WDR17: variants seen among roughly 807,000 people sequenced by gnomAD.
The protein encoded by WDR17 is WD repeat-containing protein 17.
A neutral mutation model predicts 161.7 loss-of-function variants in WDR17; 143 were observed. The ratio of observed to expected loss-of-function variants is 0.88; its 90% CI spans 0.77 to 1.02. The LOEUF (loss-of-function observed/expected upper bound fraction) is 1.02, where lower values mean the gene tolerates loss of function less well. WDR17 is among the 50% of genes least tolerant of loss of function. The pLI is 0.00. For synonymous variants in WDR17, 517 were observed against 515.6 expected, an observed-to-expected ratio of 1.00 and a Z score of -0.04; for missense variants, 1,469 against 1,520.9, an observed-to-expected ratio of 0.97 and a Z score of 0.57.
At chr4:176,151,541 T>G (rs781773334) in intron 16 of WDR17, among the ~76,000 whole-genome samples, 11 of 152,220 alleles carry the variant, frequency 7.2e-5, no homozygotes, top group Non-Finnish European at 1.3e-4. Flanking sequence ...TCATGAACTC[T>G]TGTAAAACAA....
At chr4:176,115,429 T>A (rs1740446851) in intron 2 of WDR17, among the ~76,000 whole-genome samples, 1 of 152,008 alleles carries the variant, frequency 6.6e-6, no homozygotes, top group African/African-American at 2.4e-5. Context: ...GATTCAAGTA[T>A]AAGTGAAAAA....
At chr4:176,078,211 CTA>C (rs931756114) in intron 1 of WDR17, among the ~76,000 whole-genome samples, 2 of 151,758 alleles carry the variant, frequency 1.3e-5, no homozygotes, top group African/African-American at 4.8e-5. Flanking sequence ...TAGTTTTTGA[CTA>C]TTATAAATAA....
chr4:176,114,888 G>A (rs909978744), intron 2 of WDR17, among the ~76,000 whole-genome samples: 1 of 151,496 alleles, frequency 6.6e-6, no homozygotes, highest in African/African-American at 2.4e-5. Context: ...GAAGCAGCAA[G>A]CAGAAGGCCA....
At chr4:176,147,685 A>G (rs925043884) in intron 12 of WDR17, among the ~76,000 whole-genome samples, 1 of 152,176 alleles carries the variant, frequency 6.6e-6, no homozygotes, top group Non-Finnish European at 1.5e-5. Flanking sequence ...TTTCGTTTTA[A>G]CAAAGCAATT....
chr4:176,074,533 T>C (rs1733704270), intron 1 of WDR17, among the ~76,000 whole-genome samples: 1 of 152,036 alleles, frequency 6.6e-6, no homozygotes, highest in African/African-American at 2.4e-5. Flanking sequence ...CATAGCTCAC[T>C]GCAGCCTCGA....
intron 1 of WDR17, among the ~76,000 whole-genome samples, chr4:176,077,520 A>G (rs1391742982): frequency 6.6e-6 from 1 of 152,072 alleles, no homozygotes; most frequent in Non-Finnish European, 1.5e-5. Flanking sequence ...TTTAGAGGAA[A>G]TTCCTCCCAG....
intron 1 of WDR17, among the ~76,000 whole-genome samples, chr4:176,087,207 A>AT (rs915200858): frequency 7.3e-5 from 11 of 150,760 alleles, no homozygotes; most frequent in South Asian, 2.1e-4. Flanking sequence ...AATCCCTTAT[A>AT]TTTTTTTTTC....
intron 1 of WDR17, among the ~76,000 whole-genome samples, chr4:176,092,008 T>A (rs1736186328): frequency 6.6e-6 from 1 of 152,138 alleles, no homozygotes; most frequent in South Asian, 2.1e-4. Flanking sequence ...TGCTGAATTT[T>A]ACCAAACATT....
chr4:176,125,443 T>A (rs1742304539), intron 5 of WDR17, 88 bp downstream of exon 5: 1 of 1,466,206 alleles, frequency 6.8e-7, no homozygotes, highest in African/African-American at 1.4e-5. Flanking sequence ...AGGTTGATTT[T>A]GTGTAAAATG....
rs978002403 is a variant in WDR17, at chr4:176,160,992, G to A, written c.2740G>A (p.Asp914Asn). The stretch of plus-strand genomic sequence containing the variant: ...ATATTCTGATGATATCTACAAGGAA[G>A]ACTTTAATGAGTGAGTGATTTATTT... The part of the protein sequence containing the change: ...ASYSDDIYKE[D>N]FNELLHKVSK... The change falls in exon 20 of 29, where the codon GAC becomes AAC. Residue 914 changes from aspartate (D) to asparagine (N), a missense_variant. By Grantham distance (23) the Asp-to-Asn change is conservative. Transcript: ENST00000508596. 6.2e-7 allele frequency: 1 copy of A among 1,607,706 alleles called. No homozygotes were observed. The highest frequency in any genetic ancestry group is 8.5e-7 in the Non-Finnish European group (1 of 1,177,150).
chr4:176,097,720 TACAC>T (rs561504948), intron 1 of WDR17, among the ~76,000 whole-genome samples: 5,555 of 129,978 alleles, frequency 0.043, 132 homozygotes, highest in East Asian at 0.14. Context: ...AAGCCCCACT[TACAC>T]ACACACACAC....
chr4:176,145,575 G>A (rs1297302972), intron 11 of WDR17, among the ~76,000 whole-genome samples: 2 of 152,176 alleles, frequency 1.3e-5, no homozygotes, highest in East Asian at 3.8e-4. Context: ...GCTAAGGCAT[G>A]TAATAATAAT....
chr4:176,174,828 A>G, intron 26 of WDR17, 110 bp downstream of exon 26: 1 of 590,310 alleles, frequency 1.7e-6, no homozygotes, highest in Non-Finnish European at 2.9e-6. Context: ...ACAAGTATCC[A>G]TCTATTTACT....
chr4:176,089,600 ATGAGTGC>A (rs1735857009), intron 1 of WDR17, among the ~76,000 whole-genome samples: 1 of 152,042 alleles, frequency 6.6e-6, no homozygotes, highest in Admixed American at 6.6e-5. Flanking sequence ...TGTTGTATGT[ATGAGTGC>A]TGAGTGCTGT....
In WDR17 at chr4:176,179,317, A is replaced by G. The variant is rs529470295; in HGVS notation, c.3733-143A>G. ...ATTTGGGTCCAGCTCAAAAAAACTAATTTTCTCATAGTCTTCATTTTTTTA... is the reference window on the plus strand; with the variant it reads ...ATTTGGGTCCAGCTCAAAAAAACTAGTTTTCTCATAGTCTTCATTTTTTTA... On this transcript the variant is annotated intron_variant, in intron 28 of 28. Transcript: ENST00000508596. 2.6e-4 allele frequency: 256 copies of G among 968,108 alleles called. 1 individual carries two copies. The highest frequency in any genetic ancestry group is 3.2e-4 in the Non-Finnish European group (237 of 730,496). 60.0% of individuals were successfully genotyped at this position (968,108 alleles called of 1,614,324 possible).
intron 1 of WDR17, among the ~76,000 whole-genome samples, chr4:176,067,864 GTT>G (rs1182692612): frequency 6.6e-6 from 1 of 152,072 alleles, no homozygotes; most frequent in Non-Finnish European, 1.5e-5. Flanking sequence ...TTGTTTTATG[GTT>G]TTACCCTGAT....
Position 176,125,315 on chromosome 4 carries a change from A to G in WDR17, c.750A>G (p.Leu250=), listed in dbSNP as rs1421143575. 2 of 1,614,064 alleles carry G rather than the reference A, an allele frequency of 1.2e-6. No individual in the cohort carries two copies. Among genetic ancestry groups the G allele is most frequent in the Non-Finnish European group, 1.7e-6 (2 of 1,180,032 alleles). ...GTGCAGCAGCTTCTGTACAGTGCTT[A>G]GCCTGGGTTCCCAGTGCTCCTGGGA... is the stretch of plus-strand genomic sequence containing the variant. The part of the protein sequence containing the change: ...LPSAAASVQC[L]AWVPSAPGMF... Residue 250 remains leucine (L), a synonymous_variant, in exon 5 of 29, where the codon TTA becomes TTG. Coordinates refer to ENST00000508596, the MANE Select transcript of WDR17 (RefSeq NM_181265.4).
chr4:176,143,364 C>G (rs1368389729), intron 11 of WDR17, among the ~76,000 whole-genome samples: 3 of 152,078 alleles, frequency 2.0e-5, no homozygotes, highest in Admixed American at 6.6e-5. Flanking sequence ...GTAATTTTCT[C>G]TGTCTAAATA....
At chr4:176,139,755 C>G (rs1265011706) in intron 9 of WDR17, 137 bp from the exon 10 acceptor site, 1 of 620,500 alleles carries the variant, frequency 1.6e-6, no homozygotes, top group Non-Finnish European at 2.7e-6. Context: ...CAGGTTTCTG[C>G]TCTTGACAGT....
Sources: gnomAD v4.1 joint callset for allele counts (sites outside exome capture counted in the v4.1 genomes callset) on GRCh38, gnomAD v4.1.1 for gene constraint, MANE v1.5 for transcripts, NCBI Gene and HGNC (gene_info 2026-07-23, HGNC 2026-07-21) for gene names.